OAS2: variants seen among roughly 807,000 people sequenced by gnomAD.
OAS2 encodes 2'-5'-oligoadenylate synthase 2.
A neutral mutation model predicts 71.3 loss-of-function variants in OAS2; 67 were observed. The observed-to-expected ratio is 0.94, with a 90% CI of 0.77 to 1.15. OAS2 has a LOEUF of 1.15. Among genes scored for constraint, OAS2 ranks in the 50% most tolerant of loss-of-function variants. OAS2 has a pLI of 0.00. For missense variants in OAS2, 789 were observed against 822.5 expected, an observed-to-expected ratio of 0.96 and a Z score of 0.50; for synonymous variants, 327 against 321.8, an observed-to-expected ratio of 1.02 and a Z score of -0.17.
chr12:112,980,622 CTT>C, intron 1 of OAS2, among the ~76,000 whole-genome samples: 1 of 152,274 alleles, frequency 6.6e-6, no homozygotes, highest in South Asian at 2.1e-4. Flanking sequence ...ACTACATTGT[CTT>C]TATCCATTCA....
At chr12:112,986,303 G>C (rs553508101) in intron 1 of OAS2, among the ~76,000 whole-genome samples, 34 of 152,318 alleles carry the variant, frequency 2.2e-4, no homozygotes, top group African/African-American at 7.9e-4. Flanking sequence ...CAGGTGGGCA[G>C]GGTATCAGAC....
At chr12:112,995,272 G>A (rs369223300) in intron 2 of OAS2, 24 bp from the exon 3 acceptor site, 66 of 1,586,564 alleles carry the variant, frequency 4.2e-5, no homozygotes, top group African/African-American at 1.9e-4. Flanking sequence ...AAATAACAAC[G>A]TTCCAATTTC....
At chr12:113,006,360 C>T (rs2044334707) in intron 7 of OAS2, 53 bp from the exon 8 acceptor site, 5 of 1,377,054 alleles carry the variant, frequency 3.6e-6, no homozygotes, top group Non-Finnish European at 4.9e-6. Flanking sequence ...GTTTTGGAAT[C>T]TGTTACTTAC....
chr12:113,006,343 C>T, intron 7 of OAS2, 70 bp from the exon 8 acceptor site: 1 of 1,293,220 alleles, frequency 7.7e-7, no homozygotes, highest in Non-Finnish European at 1.0e-6. Context: ...TCATATTTGT[C>T]AAAAATGTTT....
chr12:112,981,406 C>T (rs574358197), intron 1 of OAS2, among the ~76,000 whole-genome samples: 4 of 152,094 alleles, frequency 2.6e-5, no homozygotes, highest in South Asian at 2.1e-4. Context: ...AGATGACAGA[C>T]GGGGGCCTAG....
chr12:113,001,282 G>A (rs912021250), intron 5 of OAS2, among the ~76,000 whole-genome samples: 1 of 151,894 alleles, frequency 6.6e-6, no homozygotes, highest in African/African-American at 2.4e-5. Context: ...AGCCATGATT[G>A]TGCCACTGCA....
Position 113,009,203 on chromosome 12 carries a change from A to T in OAS2, c.2012A>T (p.Asp671Val). 1 of 1,614,164 alleles carries T rather than the reference A, an allele frequency of 6.2e-7. No homozygotes were observed. Among genetic ancestry groups the T allele is most frequent in the Non-Finnish European group, 8.5e-7 (1 of 1,180,020 alleles). Residue 671 changes from aspartate (D) to valine (V), a missense_variant, in exon 10 of 10, where the codon GAT becomes GTT. Physicochemically the swap from Asp to Val is radical, Grantham distance 152. Transcript: ENST00000392583. The part of the protein sequence containing the change: ...KEWLSSPCFK[D>V]GTGNPIPPWK... The stretch of plus-strand genomic sequence containing the variant: ...TGGTTATCCTCTCCCTGCTTCAAGG[A>T]TGGGACTGGAAACCCAATACCACCT...
chr12:113,006,693 G>A, intron 8 of OAS2, 93 bp downstream of exon 8: 1 of 1,114,162 alleles, frequency 9.0e-7, no homozygotes, highest in Non-Finnish European at 1.3e-6. Context: ...CCCATGCTGA[G>A]GGCTGAGCCA....
In OAS2 at chr12:112,995,284, G is replaced by A. The variant is rs2044223744; in HGVS notation, c.449-12G>A. The A allele has an allele frequency of 6.3e-7, 1 of 1,590,400 alleles. No homozygotes were observed. Among genetic ancestry groups the A allele is most frequent in the East Asian group, 2.2e-5 (1 of 44,522 alleles). On this transcript the variant is annotated splice_polypyrimidine_tract_variant and intron_variant, in intron 2 of 9. Coordinates refer to ENST00000392583, the MANE Select transcript of OAS2 (RefSeq NM_002535.3). ...CATAAATAACAACGTTCCAATTTCTGTTTCACATCAGGCTTAAATGATAAT... is the reference window on the plus strand; with the variant it reads ...CATAAATAACAACGTTCCAATTTCTATTTCACATCAGGCTTAAATGATAAT...
chr12:112,998,991 A>G (rs2044260421), intron 5 of OAS2, among the ~76,000 whole-genome samples: 1 of 152,234 alleles, frequency 6.6e-6, no homozygotes, highest in Non-Finnish European at 1.5e-5. Context: ...GAAGTGCAAA[A>G]TGGAACAAAG....
In OAS2 at chr12:113,009,403, A is replaced by G; in HGVS notation, c.*148A>G. Reference sequence around the variant, plus strand: ...CTGGTCAGCCCCCTAAGCCCCCACTACAAGTGATCCTCAGGCAGGTAACCC... The same window carrying G: ...CTGGTCAGCCCCCTAAGCCCCCACTGCAAGTGATCCTCAGGCAGGTAACCC... On this transcript the variant is annotated 3_prime_UTR_variant, in exon 10 of 10. Transcript: ENST00000392583. The G allele has an allele frequency of 6.8e-7, 1 of 1,478,440 alleles. No homozygotes were observed. 91.6% of individuals were successfully genotyped at this position (1,478,440 alleles called of 1,614,324 possible). A position where few individuals can be genotyped will look rare whatever the true frequency, so the allele number is the denominator to read the frequency against.
At chr12:113,004,892 G>C (rs368858367) in intron 6 of OAS2, 42 bp from the exon 7 acceptor site, 4 of 1,603,070 alleles carry the variant, frequency 2.5e-6, no homozygotes, top group African/African-American at 1.3e-5. Flanking sequence ...GGGACTCCTC[G>C]GTTAAGGAAA....
chr12:112,992,941 T>G (rs1286289550), intron 2 of OAS2, among the ~76,000 whole-genome samples: 1 of 152,146 alleles, frequency 6.6e-6, no homozygotes, highest in Non-Finnish European at 1.5e-5. Flanking sequence ...CGCCCTCTAC[T>G]GGGTTCACCC....
At chr12:112,999,915 C>CT (rs972603196) in intron 5 of OAS2, among the ~76,000 whole-genome samples, 1 of 152,112 alleles carries the variant, frequency 6.6e-6, no homozygotes, top group Admixed American at 6.5e-5. Flanking sequence ...TGTTTTTAAT[C>CT]TTTTTTTAAG....
At chr12:112,988,486 C>G (rs1593197348) in intron 2 of OAS2, 7 of 530,342 alleles carry the variant, frequency 1.3e-5, no homozygotes, top group Non-Finnish European at 1.7e-5. Flanking sequence ...CTTTGATTGG[C>G]CGAAACTCAG....
rs2044373499 is a variant in OAS2 at position 113,010,720 on chromosome 12, ACTTGTATTTTTTTT to A, written c.*1477_*1490del. On this transcript the variant is annotated 3_prime_UTR_variant, in exon 10 of 10. Coordinates refer to ENST00000392583, the MANE Select transcript of OAS2 (RefSeq NM_002535.3). ...CTTTATGTGCATCTTATTTCTGTCA[ACTTGTATTTTTTTT>A]CTTGTATTTTTCCAATTAGCTCCTC... The A allele has an allele frequency of 2.8e-6, 1 of 359,170 alleles. No homozygotes were observed. The highest frequency in any genetic ancestry group is 2.1e-5 in the African/African-American group (1 of 47,224). 22.2% of individuals were successfully genotyped at this position (359,170 alleles called of 1,614,324 possible).
chr12:112,995,993 G>A (rs1251076543), intron 3 of OAS2, among the ~76,000 whole-genome samples: 1 of 151,966 alleles, frequency 6.6e-6, no homozygotes, highest in Non-Finnish European at 1.5e-5. Context: ...GTAGAGATGA[G>A]GTTTCACCAT....
In OAS2 at chr12:113,010,174, A is replaced by C; in HGVS notation, c.*919A>C. The C allele has an allele frequency of 7.6e-7, 1 of 1,322,732 alleles. No homozygotes were observed. The highest frequency in any genetic ancestry group is 9.6e-7 in the Non-Finnish European group (1 of 1,036,282). The allele number at this position is 1,322,732 out of a possible 1,614,324, so 81.9% of individuals were successfully genotyped here. A position where few individuals can be genotyped will look rare whatever the true frequency, so the allele number is the denominator to read the frequency against. On this transcript the variant is annotated 3_prime_UTR_variant, in exon 10 of 10. Transcript: ENST00000392583. ...ACCCTACACCCCAACCCTGGGGGGA[A>C]TGTAGGGAAGAGGTGGCCAAGCCAA...
chr12:112,997,047 A>G (rs573971964), intron 3 of OAS2, among the ~76,000 whole-genome samples: 2 of 152,268 alleles, frequency 1.3e-5, no homozygotes, highest in South Asian at 2.1e-4. Context: ...GACATATGCT[A>G]AGATGTTATC....
Sources: gnomAD v4.1 joint callset for allele counts (sites outside exome capture counted in the v4.1 genomes callset) on GRCh38, gnomAD v4.1.1 for gene constraint, MANE v1.5 for transcripts, NCBI Gene and HGNC (gene_info 2026-07-23, HGNC 2026-07-21) for gene names.